TBX5: variants seen among roughly 807,000 people sequenced by gnomAD.
TBX5 encodes T-box transcription factor 5.
A neutral mutation model predicts 51.1 loss-of-function variants in TBX5; 8 were observed. That is an observed-to-expected ratio of 0.16 (90% CI 0.09 to 0.28). The LOEUF is 0.28. Among genes scored for constraint, TBX5 ranks in the 10% least tolerant of loss-of-function variants. The pLI, the probability that TBX5 is intolerant of heterozygous loss-of-function variation, is 1.00. For synonymous variants in TBX5, 302 were observed against 266.4 expected, an observed-to-expected ratio of 1.13 and a Z score of -1.30; for missense variants, 589 against 671.7, an observed-to-expected ratio of 0.88 and a Z score of 1.36.
At chr12:114,406,455 C>G (rs951678133), upstream of TBX5, among the ~76,000 whole-genome samples, 1 of 152,112 alleles carries the variant, frequency 6.6e-6, no homozygotes, top group Non-Finnish European at 1.5e-5. Flanking sequence ...AGAACCGAGT[C>G]TGGACGCACA....
chr12:114,387,609 C>A (rs748930426), intron 6 of TBX5, among the ~76,000 whole-genome samples: 9 of 152,110 alleles, frequency 5.9e-5, no homozygotes, highest in Admixed American at 2.6e-4. Context: ...TGTATTTGTC[C>A]AAACCCATGG....
upstream of TBX5, among the ~76,000 whole-genome samples, chr12:114,406,804 C>G (rs1330251849): frequency 6.6e-6 from 1 of 152,118 alleles, no homozygotes; most frequent in South Asian, 2.1e-4. Context: ...CTAGGGTTTT[C>G]ATCTCCACTG....
chr12:114,367,199 G>A (rs1869589550), intron 7 of TBX5, among the ~76,000 whole-genome samples: 2 of 142,538 alleles, frequency 1.4e-5, no homozygotes, highest in Non-Finnish European at 3.1e-5. Context: ...GAAAGAAGGA[G>A]GAACAAGGAC....
chr12:114,404,008 C>A, intron 1 of TBX5, 72 bp from the exon 2 acceptor site: 1 of 1,502,972 alleles, frequency 6.7e-7, no homozygotes, highest in South Asian at 1.2e-5. Flanking sequence ...TTGGAGAGCA[C>A]AATTCTAGTG....
intron 8 of TBX5, among the ~76,000 whole-genome samples, chr12:114,359,302 G>A (rs1162530806): frequency 6.6e-6 from 1 of 152,138 alleles, no homozygotes; most frequent in East Asian, 1.9e-4. Flanking sequence ...CAAATTTCAG[G>A]TCAGTCATGA....
intron 8 of TBX5, among the ~76,000 whole-genome samples, chr12:114,356,414 T>TCCAGAGC (rs1226883343): frequency 1.3e-5 from 2 of 152,010 alleles, no homozygotes; most frequent in East Asian, 1.9e-4. Context: ...AAGCACTTAG[T>TCCAGAGC]CCAGAGCCCA....
chr12:114,386,555 C>A (rs1870825833), intron 6 of TBX5, among the ~76,000 whole-genome samples: 2 of 152,174 alleles, frequency 1.3e-5, no homozygotes. Context: ...TTATTTAAAT[C>A]AAACCACTTT....
At chr12:114,359,121 C>T (rs903947427) in intron 8 of TBX5, among the ~76,000 whole-genome samples, 2 of 152,162 alleles carry the variant, frequency 1.3e-5, no homozygotes, top group Admixed American at 6.5e-5. Context: ...ACGGCCGGAA[C>T]ACATTTTGGA....
intron 8 of TBX5, among the ~76,000 whole-genome samples, chr12:114,361,602 C>T (rs769515033): frequency 5.9e-5 from 9 of 152,124 alleles, no homozygotes; most frequent in Admixed American, 2.6e-4. Context: ...AGGAGCCCTC[C>T]GGCCTGCCTG....
At position 114,354,129 on chromosome 12, in the gene TBX5, G is replaced by A. The variant is rs1170467786; in HGVS notation, c.*1403C>T. 1 of 133,338 alleles carries A rather than the reference G, an allele frequency of 7.5e-6. No individual in the cohort carries two copies. The highest frequency in any genetic ancestry group is 2.3e-4 in the East Asian group (1 of 4,376). The allele number at this position is 133,338 out of a possible 1,614,324, so 8.3% of individuals were successfully genotyped here. A position where few individuals can be genotyped will look rare whatever the true frequency, so the allele number is the denominator to read the frequency against. On this transcript the variant is annotated 3_prime_UTR_variant, in exon 9 of 9. Coordinates refer to ENST00000405440, the MANE Select transcript of TBX5 (RefSeq NM_181486.4). ...ATCTTACCCTGTTCTCTTTATTAGG[G>A]TCTGTTTATAAAAAAGGAAAAAAAA...
intron 3 of TBX5, among the ~76,000 whole-genome samples, chr12:114,401,482 C>G (rs1316105183): frequency 1.3e-5 from 2 of 152,072 alleles, no homozygotes; most frequent in Non-Finnish European, 2.9e-5. Context: ...TCTGTTTTCT[C>G]CTTTCCCTCT....
intron 7 of TBX5, among the ~76,000 whole-genome samples, chr12:114,367,400 G>A (rs569512559): frequency 2.7e-4 from 41 of 152,208 alleles, no homozygotes; most frequent in African/African-American, 9.4e-4. Flanking sequence ...GGCAAAGTAA[G>A]CATAATAAAA....
At chr12:114,366,012 G>T in intron 8 of TBX5, 153 bp downstream of exon 8, 2 of 910,614 alleles carry the variant, frequency 2.2e-6, no homozygotes, top group Non-Finnish European at 3.5e-6. Context: ...TTAGCTGTTT[G>T]GTTTAAATTT....
intron 7 of TBX5, among the ~76,000 whole-genome samples, chr12:114,379,003 GC>G (rs1870360075): frequency 6.6e-6 from 1 of 152,162 alleles, no homozygotes; most frequent in African/African-American, 2.4e-5. Context: ...CCCTGAGTCT[GC>G]CAAGCTAGAG....
At position 114,385,457 on chromosome 12, in the gene TBX5, G is replaced by A. The variant is rs1028124293; in HGVS notation, c.755+19C>T. The A allele has an allele frequency of 1.9e-6, 3 of 1,611,878 alleles. No homozygotes were observed. Among genetic ancestry groups the A allele is most frequent in the South Asian group, 1.1e-5 (1 of 91,038 alleles). On this transcript the variant is annotated intron_variant, in intron 7 of 8. Coordinates refer to ENST00000405440, the MANE Select transcript of TBX5 (RefSeq NM_181486.4). The stretch of plus-strand genomic sequence containing the variant: ...AGGGGTATGTGGGGAGGAGAAAGTT[G>A]AGGAATCCACTTTCCTACCTTTGCA...
At chr12:114,363,385 A>T (rs936664315) in intron 8 of TBX5, among the ~76,000 whole-genome samples, 1 of 152,232 alleles carries the variant, frequency 6.6e-6, no homozygotes, top group Non-Finnish European at 1.5e-5. Flanking sequence ...TGAACCGTGC[A>T]TTCAAAGCCT....
chr12:114,382,269 G>A (rs947498838), intron 7 of TBX5, among the ~76,000 whole-genome samples: 22 of 152,090 alleles, frequency 1.4e-4, no homozygotes, highest in Admixed American at 9.8e-4. Context: ...AGTCATGATC[G>A]CACCACTGCC....
intron 7 of TBX5, among the ~76,000 whole-genome samples, chr12:114,378,804 T>C (rs2136390078): frequency 6.6e-6 from 1 of 152,066 alleles, no homozygotes; most frequent in Middle Eastern, 3.4e-3. Flanking sequence ...ACCCAGCTAA[T>C]TTTTTGTATT....
At chr12:114,358,092 G>A (rs1229323467) in intron 8 of TBX5, among the ~76,000 whole-genome samples, 4 of 152,204 alleles carry the variant, frequency 2.6e-5, no homozygotes, top group African/African-American at 9.6e-5. Flanking sequence ...TGGCTGAGAA[G>A]GAACAGAGGC....
Sources: gnomAD v4.1 joint callset for allele counts (sites outside exome capture counted in the v4.1 genomes callset) on GRCh38, gnomAD v4.1.1 for gene constraint, MANE v1.5 for transcripts, NCBI Gene and HGNC (gene_info 2026-07-23, HGNC 2026-07-21) for gene names.